Variants in GABRA5 observed in about 807,000 individuals in gnomAD.
GABRA5 encodes the protein gamma-aminobutyric acid receptor subunit alpha-5.
GABRA5 carries 18 observed loss-of-function variants against 47.3 expected under a neutral mutation model. The ratio of observed to expected loss-of-function variants is 0.38; its 90% confidence interval spans 0.26 to 0.56. GABRA5 has a LOEUF of 0.56. Among genes scored for constraint, GABRA5 ranks in the 20% least tolerant of loss-of-function variants. GABRA5 has a pLI of 0.71. For missense variants in GABRA5, 365 were observed against 599.3 expected (o/e 0.61, Z 4.08); for synonymous variants, 237 against 229.3 (o/e 1.03, Z -0.30).
chr15:26,920,667 G>A (rs889427141), intron 7 of GABRA5, among the ~76,000 whole-genome samples: 4 of 152,004 alleles, frequency 2.6e-5, no homozygotes, highest in African/African-American at 9.7e-5. Flanking sequence ...TATTTGGTGT[G>A]CACATTAAAT....
chr15:26,916,442 C>A (rs2140296210), intron 7 of GABRA5, among the ~76,000 whole-genome samples: 1 of 152,204 alleles, frequency 6.6e-6, no homozygotes, highest in Non-Finnish European at 1.5e-5. Context: ...CTATGTCAGC[C>A]TTTATGCCTG....
At chr15:26,915,057 G>A (rs1171806280) in intron 7 of GABRA5, among the ~76,000 whole-genome samples, 172 bp downstream of exon 7, 1 of 152,286 alleles carries the variant, frequency 6.6e-6, no homozygotes, top group Non-Finnish European at 1.5e-5. Context: ...TCTGCAAAAT[G>A]GGGTCATTAA....
intron 7 of GABRA5, among the ~76,000 whole-genome samples, chr15:26,923,103 A>G (rs759585586): frequency 3.3e-5 from 5 of 152,178 alleles, no homozygotes; most frequent in African/African-American, 4.8e-5. Context: ...GAGAGTTGCA[A>G]TTTTTGCTTG....
chr15:26,893,590 C>A (rs529262898), intron 6 of GABRA5, among the ~76,000 whole-genome samples: 3 of 151,918 alleles, frequency 2.0e-5, no homozygotes, highest in Non-Finnish European at 4.4e-5. Context: ...TCCTCTGCCT[C>A]GTGTCCTTCC....
intron 6 of GABRA5, among the ~76,000 whole-genome samples, chr15:26,909,774 A>G (rs746720461): frequency 6.6e-6 from 1 of 152,242 alleles, no homozygotes; most frequent in Non-Finnish European, 1.5e-5. Context: ...AGATCCTTAA[A>G]TGAATCACAT....
Position 26,935,920 on chromosome 15 carries a change from G to A in GABRA5, c.581-1265G>A, listed in dbSNP as rs191635691. Among the ~76,000 whole-genome samples the A allele has an allele frequency of 1.9e-3, 288 of 152,210 alleles. 1 individual carries two copies. Among genetic ancestry groups the A allele is most frequent in the African/African-American group, 6.6e-3 (272 of 41,524 alleles). ...AGGTGAATGTTTGTGTTCTCAGATG[G>A]CCCCTGAAATGGCTTGGCTGTGTGT... On this transcript the variant is annotated intron_variant, in intron 7 of 10. Coordinates refer to ENST00000335625, the MANE Select transcript of GABRA5 (RefSeq NM_000810.4).
chr15:26,870,962 G>T (rs28450497), intron 3 of GABRA5, among the ~76,000 whole-genome samples: 4 of 151,786 alleles, frequency 2.6e-5, no homozygotes, highest in African/African-American at 7.3e-5. Context: ...GAGGCCAAGC[G>T]GGGGGCGGAT....
intron 3 of GABRA5, among the ~76,000 whole-genome samples, chr15:26,873,483 A>G (rs990617229): frequency 6.6e-6 from 1 of 152,262 alleles, no homozygotes; most frequent in African/African-American, 2.4e-5. Context: ...AGCAATTAAA[A>G]GTAGGTTATT....
Position 26,880,222 on chromosome 15 carries a change from G to T in GABRA5, c.87-624G>T, listed in dbSNP as rs551590902. ...AGCCCACTTTTCTTGAGGGCTTATT[G>T]TGTGACGCTGGGTCCCACAGAATGT... On this transcript the variant is annotated intron_variant, in intron 3 of 10. Transcript: ENST00000335625. 2.0e-5 allele frequency among the ~76,000 whole-genome samples: 3 copies of T among 152,242 alleles called. No homozygotes were observed. The South Asian group carries it at 6.2e-4, about 32-fold the overall frequency.
chr15:26,885,755 A>G (rs572987310), intron 6 of GABRA5, among the ~76,000 whole-genome samples: 1 of 152,246 alleles, frequency 6.6e-6, no homozygotes, highest in South Asian at 2.1e-4. Flanking sequence ...GAGAGAAGCG[A>G]GTGCAGTCTC....
At chr15:26,944,445 G>A (rs1894463029) in intron 10 of GABRA5, among the ~76,000 whole-genome samples, 1 of 152,202 alleles carries the variant, frequency 6.6e-6, no homozygotes, top group Non-Finnish European at 1.5e-5. Flanking sequence ...TAGCTCCCAG[G>A]TTGGAGGAAG....
chr15:26,907,350 A>G (rs1224892611), intron 6 of GABRA5, among the ~76,000 whole-genome samples: 1 of 152,206 alleles, frequency 6.6e-6, no homozygotes, highest in East Asian at 1.9e-4. Flanking sequence ...CTCTTCACTG[A>G]GTTTAAATTC....
intron 7 of GABRA5, among the ~76,000 whole-genome samples, chr15:26,923,141 A>C (rs1400556614): frequency 1.3e-5 from 2 of 152,210 alleles, no homozygotes; most frequent in Non-Finnish European, 2.9e-5. Context: ...TTGAAAACTC[A>C]ATAGACAAAG....
At chr15:26,930,428 A>G (rs1004234747) in intron 7 of GABRA5, among the ~76,000 whole-genome samples, 1 of 152,196 alleles carries the variant, frequency 6.6e-6, no homozygotes, top group African/African-American at 2.4e-5. Flanking sequence ...CTTAGCCGAT[A>G]TTCAACTCCA....
intron 7 of GABRA5, among the ~76,000 whole-genome samples, chr15:26,928,427 C>T (rs1000331993): frequency 2.4e-4 from 36 of 152,142 alleles, no homozygotes; most frequent in Admixed American, 1.3e-4. Context: ...TCAACAATCA[C>T]GTTGATGCGT....
intron 6 of GABRA5, among the ~76,000 whole-genome samples, chr15:26,903,971 A>G (rs900501811): frequency 6.6e-6 from 1 of 152,044 alleles, no homozygotes; most frequent in Non-Finnish European, 1.5e-5. Context: ...TAGTTTAATT[A>G]GATCCCATTT....
chr15:26,939,192 G>T, intron 8 of GABRA5: 1 of 760,196 alleles, frequency 1.3e-6, no homozygotes. Flanking sequence ...CTGGCCCAGC[G>T]GGCCTCACAC....
intron 9 of GABRA5, among the ~76,000 whole-genome samples, chr15:26,942,788 G>A (rs1166708732): frequency 6.6e-6 from 1 of 152,218 alleles, no homozygotes; most frequent in Non-Finnish European, 1.5e-5. Context: ...TGTGCTAGAT[G>A]TTAGCAAAAC....
intron 7 of GABRA5, among the ~76,000 whole-genome samples, chr15:26,928,449 G>C (rs992710233): frequency 3.9e-5 from 6 of 152,138 alleles, no homozygotes; most frequent in Non-Finnish European, 5.9e-5. Context: ...AGTTACCCTT[G>C]GTTGTCACTG....
Sources: gnomAD v4.1 joint callset for allele counts (sites outside exome capture counted in the v4.1 genomes callset) on GRCh38, gnomAD v4.1.1 for gene constraint, MANE v1.5 for transcripts, NCBI Gene and HGNC (gene_info 2026-07-23, HGNC 2026-07-21) for gene names.